CSNK1G2: variants seen among roughly 807,000 people sequenced by gnomAD.
CSNK1G2 encodes casein kinase I isoform gamma-2.
In CSNK1G2, 11 loss-of-function variants were observed where a neutral mutation model predicts 48.0. The ratio of observed to expected loss-of-function variants is 0.23; its 90% confidence interval spans 0.14 to 0.38. The LOEUF (loss-of-function observed/expected upper bound fraction) is 0.38, where lower values mean the gene tolerates loss of function less well. Ranked by LOEUF, CSNK1G2 falls within the 10% of genes least tolerant of loss-of-function variation. The pLI, the probability that CSNK1G2 is intolerant of heterozygous loss-of-function variation, is 1.00. For missense variants in CSNK1G2, 446 were observed against 595.5 expected (o/e 0.75, Z 2.61); for synonymous variants, 337 against 254.1 (o/e 1.33, Z -3.10).
At chr19:1,975,297 G>A (rs2015715301) in intron 2 of CSNK1G2, 1 of 985,502 alleles carries the variant, frequency 1.0e-6, no homozygotes, top group South Asian at 4.7e-5. Context: ...GGACGGTGTA[G>A]CACACAGGCG....
chr19:1,967,858 C>CCTCT (rs2015421267), intron 1 of CSNK1G2, among the ~76,000 whole-genome samples: 1 of 43,572 alleles, frequency 2.3e-5, no homozygotes, highest in African/African-American at 9.2e-5. Flanking sequence ...CTCCTCCCTC[C>CCTCT]TCCCTTCTCC....
chr19:1,947,935 C>A (rs1042279740), intron 1 of CSNK1G2, among the ~76,000 whole-genome samples: 1 of 138,446 alleles, frequency 7.2e-6, no homozygotes, highest in Non-Finnish European at 1.5e-5. Context: ...GGTGTGGTGA[C>A]GTCCTGGGGC....
chr19:1,944,938 C>T (rs1048961289), intron 1 of CSNK1G2, among the ~76,000 whole-genome samples: 14 of 152,208 alleles, frequency 9.2e-5, no homozygotes, highest in Non-Finnish European at 1.5e-4. Flanking sequence ...CCTTGCTGCC[C>T]TTTTTCTGCC....
In CSNK1G2 at chr19:1,978,353, G is replaced by A. The variant is rs375000997; in HGVS notation, c.228+8G>A. On this transcript the variant is annotated splice_region_variant and intron_variant, in intron 3 of 11. Coordinates refer to ENST00000255641, the MANE Select transcript of CSNK1G2 (RefSeq NM_001319.7). The surrounding 1 kb of genome is among the most constrained non-coding windows in gnomAD (Gnocchi z 7.3). Reference sequence around the variant, plus strand: ...TACGTGGCTATCAAATTGGTGAGTCGGCCCCTCCACCCCACCCCCGCTGAC... The same window carrying A: ...TACGTGGCTATCAAATTGGTGAGTCAGCCCCTCCACCCCACCCCCGCTGAC... The A allele has an allele frequency of 6.8e-6, 11 of 1,613,136 alleles. No homozygotes were observed. The Admixed American group carries it at 8.3e-5, about 12-fold the overall frequency.
intron 2 of CSNK1G2, among the ~76,000 whole-genome samples, chr19:1,976,324 C>G (rs2015753935): frequency 1.3e-5 from 2 of 152,104 alleles, no homozygotes; most frequent in Non-Finnish European, 2.9e-5. Context: ...AGAGACCAGC[C>G]CTGGTCCCGG....
In CSNK1G2 at chr19:1,978,268, C is replaced by T. The variant is rs372418088; in HGVS notation, c.188-37C>T. On this transcript the variant is annotated intron_variant, in intron 2 of 11. Coordinates refer to ENST00000255641, the MANE Select transcript of CSNK1G2 (RefSeq NM_001319.7). The surrounding 1 kb of genome is among the most constrained non-coding windows in gnomAD (Gnocchi z 7.3). ...CTGGGGAGGTCGGGGCTAGGTGGGC[C>T]CTGCGCTGGCGGTGCTGATGGTCTC... is the stretch of plus-strand genomic sequence containing the variant. The T allele has an allele frequency of 2.0e-4, 321 of 1,611,854 alleles. No individual in the cohort carries two copies. The highest frequency in any genetic ancestry group is 2.6e-4 in the Non-Finnish European group (303 of 1,179,264).
Position 1,979,062 on chromosome 19 carries a change from C to T in CSNK1G2, c.651C>T (p.Arg217=). ...REHKSLTGTA[R]YMSINTHLGK... The stretch of plus-strand genomic sequence containing the variant: ...ACAAGAGCCTGACGGGCACGGCGCG[C>T]TACATGAGCATCAACACGCACCTGG... Residue 217 remains arginine (R), a synonymous_variant, in exon 6 of 12, where the codon CGC becomes CGT. Coordinates refer to ENST00000255641, the MANE Select transcript of CSNK1G2 (RefSeq NM_001319.7). 1.3e-6 allele frequency: 2 copies of T among 1,597,968 alleles called. No homozygotes were observed. Among genetic ancestry groups the T allele is most frequent in the Non-Finnish European group, 1.7e-6 (2 of 1,178,958 alleles).
chr19:1,979,103 G>A lies in CSNK1G2; in HGVS notation c.682+10G>A, dbSNP rs1461836239. 1.9e-6 allele frequency: 3 copies of A among 1,587,580 alleles called. No individual in the cohort carries two copies. Among genetic ancestry groups the A allele is most frequent in the African/African-American group, 1.4e-5 (1 of 73,678 alleles). On this transcript the variant is annotated intron_variant, in intron 6 of 11. Coordinates refer to ENST00000255641, the MANE Select transcript of CSNK1G2 (RefSeq NM_001319.7). ...ACGCACCTGGGCAAGGGTGAGCTGC[G>A]CGCGCGCGGCGGGGGGCGGGCGCCC...
chr19:1,948,396 G>C (rs1416719326), intron 1 of CSNK1G2, among the ~76,000 whole-genome samples: 1 of 152,216 alleles, frequency 6.6e-6, no homozygotes, highest in Non-Finnish European at 1.5e-5. Context: ...GGTGGCAGGC[G>C]CCTGTACTCC....
Position 1,951,186 on chromosome 19 carries a change from G to A in CSNK1G2, c.-266+9768G>A, listed in dbSNP as rs1292097851. On this transcript the variant is annotated intron_variant, in intron 1 of 11. Coordinates refer to ENST00000255641, the MANE Select transcript of CSNK1G2 (RefSeq NM_001319.7). ...GGAGGCCGAGACGGGCAGATCACGA[G>A]GTCAGGAGATTGAGACCATCCTGGC... 8.9e-5 allele frequency among the ~76,000 whole-genome samples: 13 copies of A among 145,450 alleles called. 4 individuals are homozygous for A. Among genetic ancestry groups the A allele is most frequent in the African/African-American group, 3.4e-4 (13 of 37,752 alleles).
chr19:1,941,816 C>T (rs923333016), intron 1 of CSNK1G2, among the ~76,000 whole-genome samples: 2 of 147,138 alleles, frequency 1.4e-5, no homozygotes, highest in African/African-American at 5.0e-5. Flanking sequence ...CTGTCGTGCT[C>T]CAACTCTCCT....
rs740423 is a variant in CSNK1G2 at position 1,978,272 on chromosome 19, C to T, written c.188-33C>T. 0.1 allele frequency: 168,149 copies of T among 1,611,286 alleles called. 12,183 individuals are homozygous for T. Among genetic ancestry groups the T allele is most frequent in the African/African-American group, 0.38 (28,474 of 74,798 alleles). On this transcript the variant is annotated intron_variant, in intron 2 of 11. Transcript: ENST00000255641. This position sits in a 1 kb window ranked among gnomAD's most constrained non-coding sequence, Gnocchi z 7.3. ...GGAGGTCGGGGCTAGGTGGGCCCTG[C>T]GCTGGCGGTGCTGATGGTCTCTGTC...
At chr19:1,960,224 G>A (rs752904331) in intron 1 of CSNK1G2, among the ~76,000 whole-genome samples, 2 of 152,336 alleles carry the variant, frequency 1.3e-5, no homozygotes, top group African/African-American at 2.4e-5. Flanking sequence ...GGGCCTTCTC[G>A]CCCTCAGTCC....
chr19:1,954,975 C>A (rs1351328166), intron 1 of CSNK1G2, among the ~76,000 whole-genome samples: 1 of 152,138 alleles, frequency 6.6e-6, no homozygotes, highest in South Asian at 2.1e-4. Context: ...AGGCCCCCAA[C>A]CCCCAGGCCT....
At chr19:1,969,091 G>A (rs2015476299) in intron 1 of CSNK1G2, among the ~76,000 whole-genome samples, 1 of 152,176 alleles carries the variant, frequency 6.6e-6, no homozygotes, top group African/African-American at 2.4e-5. Flanking sequence ...AGCGGCCCTG[G>A]GCCTGGATAC....
chr19:1,959,905 C>T (rs538148562), intron 1 of CSNK1G2, among the ~76,000 whole-genome samples: 2 of 151,958 alleles, frequency 1.3e-5, no homozygotes, highest in African/African-American at 4.8e-5. Context: ...TTTAGTGCCA[C>T]CCTGGGTCCC....
chr19:1,973,989 G>A (rs546163615), intron 2 of CSNK1G2, among the ~76,000 whole-genome samples: 1 of 152,204 alleles, frequency 6.6e-6, no homozygotes, highest in East Asian at 1.9e-4. Context: ...CCGGGTTCAA[G>A]CAATTCTCCT....
chr19:1,975,357 C>G, intron 2 of CSNK1G2: 1 of 985,508 alleles, frequency 1.0e-6, no homozygotes, highest in Non-Finnish European at 1.2e-6. Flanking sequence ...GCTTGGTGGT[C>G]AGCACGTGAC....
chr19:1,942,911 C>G (rs575942863), intron 1 of CSNK1G2, among the ~76,000 whole-genome samples: 1 of 152,290 alleles, frequency 6.6e-6, no homozygotes, highest in South Asian at 2.1e-4. Context: ...GTTTCCCAGG[C>G]AGGCAGCCCC....
Sources: allele counts gnomAD v4.1 joint callset (sites outside exome capture counted in the v4.1 genomes callset), GRCh38; gene constraint gnomAD v4.1.1; non-coding constraint Gnocchi (gnomAD v3.1); transcripts MANE v1.5; gene names NCBI Gene and HGNC (gene_info 2026-07-23, HGNC 2026-07-21).